Variants in TRPC5 observed in about 807,000 individuals in gnomAD.
The protein encoded by TRPC5 is short transient receptor potential channel 5.
TRPC5 carries 9 observed loss-of-function variants against 56.5 expected under a neutral mutation model. The observed-to-expected ratio is 0.16, with a 90% CI of 0.10 to 0.28. The LOEUF (loss-of-function observed/expected upper bound fraction) is 0.28, where lower values mean the gene tolerates loss of function less well. Among genes scored for constraint, TRPC5 ranks in the 10% least tolerant of loss-of-function variants. The pLI, the probability that TRPC5 is intolerant of heterozygous loss-of-function variation, is 1.00. For synonymous variants in TRPC5, 282 were observed against 278.5 expected, an observed-to-expected ratio of 1.01 and a Z score of -0.13; for missense variants, 469 against 748.9, an observed-to-expected ratio of 0.63 and a Z score of 4.36.
chrX:112,010,809 G>A (rs1161856463), intron 1 of TRPC5, among the ~76,000 whole-genome samples: 1 of 111,817 alleles, frequency 8.9e-6, no homozygotes, highest in East Asian at 2.8e-4. Flanking sequence ...TTCTTATGAG[G>A]ATAATAAATG....
chrX:112,035,089 TA>T (rs1169340398), intron 1 of TRPC5, among the ~76,000 whole-genome samples: 10,198 of 99,019 alleles, frequency 0.1, 473 homozygotes, highest in Non-Finnish European at 0.14. Context: ...TTTTTTTTTT[TA>T]AAAAAAAAAA....
intron 1 of TRPC5, among the ~76,000 whole-genome samples, chrX:112,061,119 G>A (rs1930450038): frequency 8.9e-6 from 1 of 112,474 alleles, no homozygotes; most frequent in African/African-American, 3.2e-5. Flanking sequence ...TATTGAAGCT[G>A]TTCAACAACT....
chrX:112,029,812 T>C (rs1308475101), intron 1 of TRPC5, among the ~76,000 whole-genome samples: 7 of 107,625 alleles, frequency 6.5e-5, no homozygotes, highest in African/African-American at 2.4e-4. Context: ...ATGAGTCGTT[T>C]TCATGAAAGC....
chrX:111,965,059 C>T lies in TRPC5; in HGVS notation c.-21-12618G>A, dbSNP rs182664383. Among the ~76,000 whole-genome samples the T allele has an allele frequency of 5.1e-3, 570 of 111,314 alleles. 1 individual carries two copies. Among genetic ancestry groups the T allele is most frequent in the Non-Finnish European group, 6.7e-3 (354 of 53,038 alleles). On this transcript the variant is annotated intron_variant, in intron 1 of 10. Transcript: ENST00000262839. ...TGGATAAAGAGTCAAGACCCATCAG[C>T]GTGCTGTATTCAGGAAACCCATCTC...
chrX:112,008,740 G>T (rs992300134), intron 1 of TRPC5, among the ~76,000 whole-genome samples: 1 of 111,774 alleles, frequency 8.9e-6, no homozygotes, highest in Non-Finnish European at 1.9e-5. Context: ...TAATAACTAC[G>T]TAATAACATA....
At chrX:111,829,131 A>T (rs1282143567) in intron 7 of TRPC5, among the ~76,000 whole-genome samples, 1 of 108,847 alleles carries the variant, frequency 9.2e-6, no homozygotes, top group Non-Finnish European at 1.9e-5. Context: ...GTGAAACCCC[A>T]TCTCTACTAA....
intron 6 of TRPC5, among the ~76,000 whole-genome samples, chrX:111,841,376 T>C (rs1156729064): frequency 8.9e-6 from 1 of 112,060 alleles, no homozygotes; most frequent in African/African-American, 3.2e-5. Context: ...CTGGAGCTTG[T>C]ATGCCTAGAT....
intron 2 of TRPC5, 25 bp downstream of exon 2, chrX:111,952,018 C>T (rs1927099932): frequency 8.5e-7 from 1 of 1,181,061 alleles, no homozygotes; most frequent in Non-Finnish European, 1.1e-6. Context: ...CTGGCTATTT[C>T]CCAGCCTATA....
chrX:111,933,585 A>C (rs1049483608), intron 2 of TRPC5, among the ~76,000 whole-genome samples: 10 of 111,845 alleles, frequency 8.9e-5, no homozygotes, highest in Non-Finnish European at 1.9e-4. Context: ...AAACAAAAAA[A>C]CAAACAAAAA....
chrX:111,926,615 A>C lies in TRPC5; in HGVS notation c.379-13803T>G, dbSNP rs1021909542. On this transcript the variant is annotated intron_variant, in intron 2 of 10. Transcript: ENST00000262839. ...GTCTTAGCAACGAGCAGTGATTAACATTTACCAAACACTTACAAATATGCT... is the reference window on the plus strand; with the variant it reads ...GTCTTAGCAACGAGCAGTGATTAACCTTTACCAAACACTTACAAATATGCT... Among the ~76,000 whole-genome samples, 6 of 112,050 alleles carry C rather than the reference A, an allele frequency of 5.4e-5. No homozygotes were observed. In the Admixed American group the frequency reaches 5.7e-4, roughly 11 times the overall value.
At chrX:112,033,876 C>T (rs1247804403) in intron 1 of TRPC5, among the ~76,000 whole-genome samples, 4 of 111,484 alleles carry the variant, frequency 3.6e-5, no homozygotes, top group Non-Finnish European at 7.5e-5. Context: ...TTGAGCAAGA[C>T]CCCCATCTCA....
intron 3 of TRPC5, among the ~76,000 whole-genome samples, chrX:111,867,652 C>T (rs1213561227): frequency 8.9e-6 from 1 of 111,900 alleles, no homozygotes; most frequent in Non-Finnish European, 1.9e-5. Flanking sequence ...TTTCTTACCC[C>T]CAAAGGTCTT....
chrX:111,909,325 G>A (rs1269352623), intron 3 of TRPC5, among the ~76,000 whole-genome samples: 6 of 106,131 alleles, frequency 5.7e-5, no homozygotes, highest in Non-Finnish European at 7.7e-5. Flanking sequence ...GAGAGCCTCC[G>A]TCTCAAAAAT....
intron 3 of TRPC5, chrX:111,875,994 A>G (rs2148595902): frequency 9.1e-6 from 1 of 109,740 alleles, no homozygotes; most frequent in African/African-American, 3.3e-5. Context: ...TGGGAGATAA[A>G]TGAAACACAA....
chrX:112,012,245 A>C (rs775730322), intron 1 of TRPC5, among the ~76,000 whole-genome samples: 1 of 111,814 alleles, frequency 8.9e-6, no homozygotes, highest in South Asian at 3.8e-4. Flanking sequence ...TGAACCACAT[A>C]ACATTGGTGG....
intron 7 of TRPC5, among the ~76,000 whole-genome samples, chrX:111,797,144 G>C (rs930901452): frequency 5.4e-5 from 6 of 111,671 alleles, no homozygotes; most frequent in Non-Finnish European, 1.1e-4. Flanking sequence ...GCTCTCCAAG[G>C]TAGTAGTGCT....
chrX:111,941,492 T>C (rs895988458), intron 2 of TRPC5, among the ~76,000 whole-genome samples: 1 of 112,240 alleles, frequency 8.9e-6, no homozygotes, highest in African/African-American at 3.2e-5. Flanking sequence ...GCTTTGCTGA[T>C]AATGATGCTG....
At chrX:111,978,487 T>A (rs1331179475) in intron 1 of TRPC5, among the ~76,000 whole-genome samples, 1 of 111,471 alleles carries the variant, frequency 9.0e-6, no homozygotes, top group African/African-American at 3.2e-5. Flanking sequence ...TTTAGCAATT[T>A]CTTTTAAAAG....
At chrX:111,811,987 A>G (rs1184930991) in intron 7 of TRPC5, among the ~76,000 whole-genome samples, 1 of 111,180 alleles carries the variant, frequency 9.0e-6, no homozygotes, top group Non-Finnish European at 1.9e-5. Context: ...ACTGAGTCAC[A>G]TTTTCAAGCA....
Sources: allele counts gnomAD v4.1 joint callset (sites outside exome capture counted in the v4.1 genomes callset), GRCh38; gene constraint gnomAD v4.1.1; transcripts MANE v1.5; gene names NCBI Gene and HGNC (gene_info 2026-07-23, HGNC 2026-07-21).